The following YPEL5 variants were observed in gnomAD, a reference collection of about 807,000 sequenced individuals.
YPEL5 encodes protein yippee-like 5.
Under a neutral mutation model 10.5 loss-of-function variants are expected in YPEL5, and 1 was observed. The ratio of observed to expected loss-of-function variants is 0.10; its 90% confidence interval spans 0.03 to 0.45. YPEL5 has a LOEUF of 0.45. Ranked by LOEUF, YPEL5 falls within the 20% of genes least tolerant of loss-of-function variation. The pLI, the probability that YPEL5 is intolerant of heterozygous loss-of-function variation, is 0.97. For synonymous variants in YPEL5, 61 were observed against 56.6 expected (o/e 1.08, Z -0.35); for missense variants, 68 against 159.3 (o/e 0.43, Z 3.09).
intron 1 of YPEL5, chr2:30,156,015 A>C (rs936965953): frequency 2.0e-5 from 3 of 152,352 alleles, no homozygotes; most frequent in African/African-American, 2.4e-5. Context: ...TGATGGTAAC[A>C]ACCTCACAGA....
chr2:30,158,573 ATAAC>A (rs759920978), intron 2 of YPEL5, 42 bp from the exon 3 acceptor site: 13 of 1,583,328 alleles, frequency 8.2e-6, no homozygotes, highest in Non-Finnish European at 1.1e-5. Flanking sequence ...TACTTGGCAA[ATAAC>A]TAACATGCCT....
intron 1 of YPEL5, chr2:30,148,450 G>A (rs1675617557): frequency 6.6e-6 from 1 of 152,240 alleles, no homozygotes; most frequent in Non-Finnish European, 1.5e-5. Flanking sequence ...CAAAAGGCCT[G>A]TGGTGTTCCC....
At chr2:30,158,342 C>A in intron 2 of YPEL5, among the ~76,000 whole-genome samples, 1 of 152,180 alleles carries the variant, frequency 6.6e-6, no homozygotes, top group African/African-American at 2.4e-5. Context: ...TTTTTCTTAC[C>A]TGCAACACAG....
At chr2:30,157,320 T>C (rs1676087313) in intron 2 of YPEL5, among the ~76,000 whole-genome samples, 1 of 151,874 alleles carries the variant, frequency 6.6e-6, no homozygotes, top group Admixed American at 6.6e-5. Flanking sequence ...TGATCTCTGT[T>C]GCCTCAGGAA....
At chr2:30,156,910 C>G (rs1676065021) in intron 2 of YPEL5, 118 bp downstream of exon 2, 1 of 1,243,566 alleles carries the variant, frequency 8.0e-7, no homozygotes, top group Admixed American at 2.3e-5. Context: ...AGCTTGAAAT[C>G]TACAGAAATG....
chr2:30,148,969 A>T (rs1185401874), intron 1 of YPEL5, among the ~76,000 whole-genome samples: 3 of 152,214 alleles, frequency 2.0e-5, no homozygotes, highest in Non-Finnish European at 4.4e-5. Context: ...TGTCAGTGTA[A>T]TGCAGGAACT....
intron 1 of YPEL5, among the ~76,000 whole-genome samples, chr2:30,154,458 T>C (rs1675947384): frequency 6.6e-6 from 1 of 152,222 alleles, no homozygotes; most frequent in Non-Finnish European, 1.5e-5. Flanking sequence ...AGGTCACTTG[T>C]AGTCAGTTGT....
chr2:30,150,196 T>C (rs1209652221), intron 1 of YPEL5, among the ~76,000 whole-genome samples: 2 of 152,250 alleles, frequency 1.3e-5, no homozygotes, highest in Admixed American at 6.5e-5. Context: ...TTAATTGTTA[T>C]TGTTTCATAT....
rs1413947551 is a variant in YPEL5 at position 30,152,892 on chromosome 2, T to G, written c.-24-3736T>G. 4.1e-3 allele frequency among the ~76,000 whole-genome samples: 72 copies of G among 17,760 alleles called. 1 individual carries two copies. Among genetic ancestry groups the G allele is most frequent in the African/African-American group, 0.027 (55 of 2,010 alleles). 11.7% of individuals were successfully genotyped at this position (17,760 alleles called of 152,430 possible). A position where few individuals can be genotyped will look rare whatever the true frequency, so the allele number is the denominator to read the frequency against. ...TAGCTTTTTAATGACTGTCCTTTGT[T>G]TTTTTTTTTTTTTTTTTGGTTTTTT... is the stretch of plus-strand genomic sequence containing the variant. On this transcript the variant is annotated intron_variant, in intron 1 of 2. Transcript: ENST00000261353.
intron 1 of YPEL5, among the ~76,000 whole-genome samples, chr2:30,151,356 A>G (rs1198490191): frequency 3.3e-5 from 5 of 152,156 alleles, no homozygotes; most frequent in African/African-American, 1.2e-4. Context: ...AGATCCTAAA[A>G]TGTTATTAAT....
chr2:30,158,582 A>G, intron 2 of YPEL5, 37 bp from the exon 3 acceptor site: 1 of 1,595,868 alleles, frequency 6.3e-7, no homozygotes, highest in Non-Finnish European at 8.6e-7. Context: ...AATAACTAAC[A>G]TGCCTTGCAA....
At chr2:30,147,788 C>T (rs1298053929) in intron 1 of YPEL5, 1 of 153,064 alleles carries the variant, frequency 6.5e-6, no homozygotes, top group East Asian at 1.9e-4. Flanking sequence ...CCAAGAGAGC[C>T]CCCCGGCCAC....
intron 1 of YPEL5, among the ~76,000 whole-genome samples, chr2:30,151,431 TGA>T (rs1227119602): frequency 6.6e-6 from 1 of 152,178 alleles, no homozygotes; most frequent in Non-Finnish European, 1.5e-5. Context: ...ATGCTATTGG[TGA>T]GAGAGGGAGG....
intron 1 of YPEL5, chr2:30,156,239 A>G (rs1036149205): frequency 6.2e-6 from 1 of 161,008 alleles, no homozygotes; most frequent in Non-Finnish European, 1.4e-5. Flanking sequence ...GAAATTATAC[A>G]TGCTCAGAAC....
At chr2:30,152,495 A>C (rs1174073873) in intron 1 of YPEL5, among the ~76,000 whole-genome samples, 1 of 152,200 alleles carries the variant, frequency 6.6e-6, no homozygotes, top group East Asian at 1.9e-4. Flanking sequence ...TAGGGTTTCT[A>C]GTTTAGGAGA....
chr2:30,156,854 G>C, intron 2 of YPEL5, 62 bp downstream of exon 2: 1 of 1,579,702 alleles, frequency 6.3e-7, no homozygotes, highest in Middle Eastern at 1.7e-4. Context: ...AGCAACACCA[G>C]AATACCCCCT....
intron 1 of YPEL5, among the ~76,000 whole-genome samples, chr2:30,151,159 A>G (rs567292424): frequency 9.2e-5 from 14 of 152,322 alleles, no homozygotes; most frequent in African/African-American, 3.1e-4. Context: ...AAAATAAACC[A>G]ATAGTCTTTT....
chr2:30,147,813 C>A (rs1025450540), intron 1 of YPEL5: 2 of 153,590 alleles, frequency 1.3e-5, no homozygotes, highest in Admixed American at 1.3e-4. Flanking sequence ...TCAGCTGTTT[C>A]CTGCTCGTGT....
At chr2:30,149,686 C>CG (rs750386275) in intron 1 of YPEL5, among the ~76,000 whole-genome samples, 16 of 152,292 alleles carry the variant, frequency 1.1e-4, no homozygotes, top group African/African-American at 2.4e-4. Context: ...AGAGTCATTG[C>CG]GAAACAAAAC....
Sources: allele counts gnomAD v4.1 joint callset (sites outside exome capture counted in the v4.1 genomes callset), GRCh38; gene constraint gnomAD v4.1.1; transcripts MANE v1.5; gene names NCBI Gene and HGNC (gene_info 2026-07-23, HGNC 2026-07-21).